Variants in KCTD5 observed in about 807,000 individuals in gnomAD.
The protein encoded by KCTD5 is potassium channel tetramerization domain containing 5.
KCTD5 carries 12 observed loss-of-function variants against 27.9 expected under a neutral mutation model. The observed-to-expected ratio is 0.43, with a 90% CI of 0.28 to 0.70. The LOEUF is 0.70. KCTD5 is among the 30% of genes least tolerant of loss of function. KCTD5 has a pLI of 0.19. For missense variants in KCTD5, 226 were observed against 274.8 expected (o/e 0.82, Z 1.26); for synonymous variants, 147 against 121.4 (o/e 1.21, Z -1.39).
At chr16:2,696,890 CTGGTCGCT>C (rs4045847) in intron 2 of KCTD5, among the ~76,000 whole-genome samples, 1 of 152,268 alleles carries the variant, frequency 6.6e-6, no homozygotes, top group African/African-American at 2.4e-5. Context: ...TGTACTCTCT[CTGGTCGCT>C]TGGGCAGCCG....
At chr16:2,690,682 G>A (rs541982366) in intron 1 of KCTD5, among the ~76,000 whole-genome samples, 7 of 152,302 alleles carry the variant, frequency 4.6e-5, no homozygotes, top group East Asian at 3.9e-4. Context: ...CATCCCAGTC[G>A]TAGAGGCGTG....
At chr16:2,703,302 A>G (rs1402473674) in intron 5 of KCTD5, among the ~76,000 whole-genome samples, 1 of 152,106 alleles carries the variant, frequency 6.6e-6, no homozygotes, top group Non-Finnish European at 1.5e-5. Flanking sequence ...CCCGGACCTC[A>G]GAGCCAGGTG....
chr16:2,707,234 A>T (rs916598059), intron 5 of KCTD5, 64 bp from the exon 6 acceptor site: 1 of 1,511,652 alleles, frequency 6.6e-7, no homozygotes, highest in Non-Finnish European at 9.1e-7. Context: ...TTTCTGGAGC[A>T]GGCGCCTGGT....
chr16:2,689,435 T>G (rs2067555436), intron 1 of KCTD5, among the ~76,000 whole-genome samples: 1 of 117,992 alleles, frequency 8.5e-6, no homozygotes, highest in Non-Finnish European at 1.8e-5. Context: ...CGTCTAGATT[T>G]CTGTGGGGCA....
chr16:2,701,992 G>A (rs1211820845), intron 4 of KCTD5, among the ~76,000 whole-genome samples: 1 of 152,168 alleles, frequency 6.6e-6, no homozygotes, highest in East Asian at 1.9e-4. Flanking sequence ...CTTCCCTCCA[G>A]GTTTTCAGAG....
chr16:2,696,590 C>A (rs3112724), intron 2 of KCTD5, among the ~76,000 whole-genome samples: 5,305 of 152,352 alleles, frequency 0.035, 101 homozygotes, highest in Non-Finnish European at 0.054. Context: ...TGCTGCGGTG[C>A]TGGCTTGGCT....
At chr16:2,699,728 G>C in intron 3 of KCTD5, 93 bp from the exon 4 acceptor site, 1 of 1,107,526 alleles carries the variant, frequency 9.0e-7, no homozygotes, top group Non-Finnish European at 1.4e-6. Flanking sequence ...ACTGCAGAGT[G>C]GACCTCAGCC....
chr16:2,699,954 C>T (rs368678897), intron 4 of KCTD5, 38 bp downstream of exon 4: 1 of 1,565,594 alleles, frequency 6.4e-7, no homozygotes, highest in Non-Finnish European at 8.8e-7. Context: ...AGCCATGCTG[C>T]AGCTGAACTT....
Position 2,699,911 on chromosome 16 carries a change from G to C in KCTD5, c.544G>C (p.Glu182Gln). 2.5e-6 allele frequency: 4 copies of C among 1,613,694 alleles called. No homozygotes were observed. The highest frequency in any genetic ancestry group is 3.4e-6 in the Non-Finnish European group (4 of 1,179,894). The change falls in exon 4 of 6, where the codon GAG becomes CAG. Residue 182 changes from glutamate (E) to glutamine (Q), a missense_variant. By Grantham distance (29) the Glu-to-Gln change is conservative. This residue lies in a region of KCTD5 where 135 missense variants were observed against 207.0 expected (regional missense o/e 0.65). Transcript: ENST00000301738. ...CACCATGTCCGACGGCTGGAAGTTC[G>C]AGCAGGTGAGGGGCCCTGGCCAGCC... The part of the protein sequence containing the change: ...VSTMSDGWKF[E>Q]QLVSIGSSYN...
intron 2 of KCTD5, among the ~76,000 whole-genome samples, chr16:2,697,701 C>T (rs140341939): frequency 2.0e-5 from 3 of 152,360 alleles, no homozygotes; most frequent in Non-Finnish European, 2.9e-5. Context: ...CCTCTCACCA[C>T]GGCCCCTCCG....
At chr16:2,684,183 C>T (rs1440855746) in intron 1 of KCTD5, 11 of 152,144 alleles carry the variant, frequency 7.2e-5, no homozygotes, top group Admixed American at 2.0e-4. Context: ...CCTTTCTACT[C>T]AAGCATTCCT....
At chr16:2,690,306 G>A (rs1051940882) in intron 1 of KCTD5, among the ~76,000 whole-genome samples, 11 of 152,332 alleles carry the variant, frequency 7.2e-5, no homozygotes, top group Non-Finnish European at 7.4e-5. Context: ...GGCCAGGGTC[G>A]CCCTCTCCTC....
At chr16:2,692,440 G>A (rs997172850) in intron 1 of KCTD5, among the ~76,000 whole-genome samples, 7 of 152,160 alleles carry the variant, frequency 4.6e-5, no homozygotes, top group Non-Finnish European at 8.8e-5. Context: ...GCCCCGGACT[G>A]GCTGGCTCCT....
chr16:2,684,540 C>A, intron 1 of KCTD5: 1 of 151,748 alleles, frequency 6.6e-6, no homozygotes, highest in Non-Finnish European at 1.5e-5. Flanking sequence ...CCGAGGCAGG[C>A]GGATCACGAG....
In KCTD5 at chr16:2,684,174, C is replaced by G. The variant is rs1004003650; in HGVS notation, c.252+1374C>G. Reference sequence around the variant, plus strand: ...CAGGGCTTAGTGGTCACTCCCTTGCCTTTCTACTCAAGCATTCCTGTTTTG... The same window carrying G: ...CAGGGCTTAGTGGTCACTCCCTTGCGTTTCTACTCAAGCATTCCTGTTTTG... On this transcript the variant is annotated intron_variant, in intron 1 of 5. Coordinates refer to ENST00000301738, the MANE Select transcript of KCTD5 (RefSeq NM_018992.4). 7 of 152,002 alleles carry G rather than the reference C, an allele frequency of 4.6e-5. No homozygotes were observed. The East Asian group carries it at 5.8e-4, about 13-fold the overall frequency. The allele number at this position is 152,002 out of a possible 1,614,324, so 9.4% of individuals were successfully genotyped here.
At chr16:2,698,070 C>A in intron 3 of KCTD5, 73 bp downstream of exon 3, 2 of 1,081,558 alleles carry the variant, frequency 1.8e-6, no homozygotes, top group Non-Finnish European at 2.8e-6. Flanking sequence ...CTCCCCCGAC[C>A]GGCTGCCTCC....
At chr16:2,688,243 A>ATATATTTATT (rs1282831421) in intron 1 of KCTD5, among the ~76,000 whole-genome samples, 11 of 64,266 alleles carry the variant, frequency 1.7e-4, no homozygotes, top group African/African-American at 5.5e-4. Flanking sequence ...ATATATATAT[A>ATATATTTATT]TATTTATTTA....
chr16:2,702,602 T>A, intron 5 of KCTD5, 124 bp downstream of exon 5: 1 of 1,324,820 alleles, frequency 7.5e-7, no homozygotes, highest in Non-Finnish European at 1.0e-6. Flanking sequence ...GTGGCCTTGC[T>A]GACTTCTTGG....
chr16:2,686,037 G>T (rs1470224753), intron 1 of KCTD5: 1 of 142,220 alleles, frequency 7.0e-6, no homozygotes, highest in African/African-American at 2.6e-5. Context: ...CAGACGGGTT[G>T]TTAGGGAGGG....
Sources: allele counts gnomAD v4.1 joint callset (sites outside exome capture counted in the v4.1 genomes callset), GRCh38; gene constraint gnomAD v4.1.1; regional missense constraint gnomAD v4.1.1; transcripts MANE v1.5; gene names NCBI Gene and HGNC (gene_info 2026-07-23, HGNC 2026-07-21).